Variants in NPNT observed in about 807,000 individuals in gnomAD.
NPNT encodes the protein preosteoblast EGF-like repeat protein with MAM domain.
In NPNT, 45 loss-of-function variants were observed where a neutral mutation model predicts 68.6. The ratio of observed to expected loss-of-function variants is 0.66; its 90% CI spans 0.52 to 0.84. The LOEUF (loss-of-function observed/expected upper bound fraction) is 0.84. Among genes scored for constraint, NPNT ranks in the 40% least tolerant of loss-of-function variants. The pLI is 0.00. For synonymous variants in NPNT, 233 were observed against 253.3 expected (o/e 0.92, Z 0.76); for missense variants, 672 against 714.8 (o/e 0.94, Z 0.68).
rs553757784 is a variant in NPNT at position 105,971,097 on chromosome 4, AT to A, written c.*2120del. ...ATTTGTTCAATGGATGATGTTTCAG[AT>A]TTTTTTTTTTTTAAGAGATCCTTCA... On this transcript the variant is annotated 3_prime_UTR_variant, in exon 12 of 12. Transcript: ENST00000379987. The A allele has an allele frequency of 0.16, 53,191 of 340,352 alleles. 31 individuals carry two copies. Among genetic ancestry groups the A allele is most frequent in the South Asian group, 0.25 (10,678 of 42,366 alleles). The allele number at this position is 340,352 out of a possible 1,614,324, so 21.1% of individuals were successfully genotyped here.
intron 3 of NPNT, among the ~76,000 whole-genome samples, chr4:105,936,263 T>C (rs1471402439): frequency 1.3e-5 from 2 of 152,238 alleles, no homozygotes; most frequent in Non-Finnish European, 2.9e-5. Context: ...AATGAAAATA[T>C]GTTGGTAGGT....
intron 2 of NPNT, among the ~76,000 whole-genome samples, chr4:105,915,736 C>A (rs374390793): frequency 6.6e-6 from 1 of 152,110 alleles, no homozygotes; most frequent in Non-Finnish European, 1.5e-5. Context: ...CAGTTTGAAG[C>A]GCTTGTGAGA....
chr4:105,912,192 C>G (rs959324661), intron 2 of NPNT: 2 of 1,533,176 alleles, frequency 1.3e-6, no homozygotes, highest in Non-Finnish European at 1.7e-6. Flanking sequence ...TTGCAGCTTT[C>G]TACGTCTTAA....
chr4:105,940,675 G>T, intron 7 of NPNT, 39 bp downstream of exon 7: 1 of 1,591,586 alleles, frequency 6.3e-7, no homozygotes, highest in Non-Finnish European at 8.6e-7. Context: ...ATTCTAGCAG[G>T]AAATACAGGA....
chr4:105,913,247 AT>A (rs1326312871), intron 2 of NPNT, among the ~76,000 whole-genome samples: 2 of 152,246 alleles, frequency 1.3e-5, no homozygotes, highest in Admixed American at 6.5e-5. Context: ...AATAAAAAAA[AT>A]ATTTGGGAAC....
Position 105,970,678 on chromosome 4 carries a change from T to C in NPNT, c.*1688T>C. On this transcript the variant is annotated 3_prime_UTR_variant, in exon 12 of 12. Coordinates refer to ENST00000379987, the MANE Select transcript of NPNT (RefSeq NM_001033047.3). ...TGAAAATCTCAGTATCTCTCTCTCT[T>C]TCTAAAAAATTAGATAAAAATTTGT... 1 of 521,136 alleles carries C rather than the reference T, an allele frequency of 1.9e-6. No homozygotes were observed. The highest frequency in any genetic ancestry group is 1.8e-5 in the South Asian group (1 of 54,786). The allele number at this position is 521,136 out of a possible 1,614,324, so 32.3% of individuals were successfully genotyped here.
intron 8 of NPNT, among the ~76,000 whole-genome samples, chr4:105,951,079 T>C (rs1730798431): frequency 1.3e-5 from 2 of 152,190 alleles, no homozygotes. Flanking sequence ...CAGGGCTCTT[T>C]CTAAAGCATA....
intron 1 of NPNT, among the ~76,000 whole-genome samples, chr4:105,896,476 G>C (rs1460189153): frequency 6.6e-6 from 1 of 152,216 alleles, no homozygotes; most frequent in South Asian, 2.1e-4. Flanking sequence ...GAGAGACACT[G>C]GGTCTGTCGG....
chr4:105,932,713 C>T (rs1266316686), intron 3 of NPNT: 1 of 1,528,274 alleles, frequency 6.5e-7, no homozygotes, highest in Admixed American at 2.0e-5. Flanking sequence ...GGTGAGCGTG[C>T]ATTGTCCCAG....
At chr4:105,959,755 A>G (rs950306216) in intron 10 of NPNT, among the ~76,000 whole-genome samples, 2 of 151,862 alleles carry the variant, frequency 1.3e-5, no homozygotes, top group African/African-American at 2.4e-5. Flanking sequence ...TAGTACTCAT[A>G]AGACATCTTT....
chr4:105,918,415 GT>G (rs1727988113), intron 2 of NPNT, among the ~76,000 whole-genome samples: 1 of 151,992 alleles, frequency 6.6e-6, no homozygotes, highest in Non-Finnish European at 1.5e-5. Context: ...AGTATCAGAT[GT>G]TTTAAAAAAT....
At chr4:105,937,160 G>T in intron 4 of NPNT, 32 bp downstream of exon 4, 2 of 1,609,082 alleles carry the variant, frequency 1.2e-6, no homozygotes, top group Non-Finnish European at 1.7e-6. Flanking sequence ...TTTTATAAGT[G>T]CTTTGGGCTT....
intron 8 of NPNT, among the ~76,000 whole-genome samples, chr4:105,943,950 G>A (rs1730181335): frequency 6.6e-6 from 1 of 152,146 alleles, no homozygotes; most frequent in African/African-American, 2.4e-5. Flanking sequence ...ACTGCAGCCT[G>A]GGTGACAGGG....
intron 2 of NPNT, among the ~76,000 whole-genome samples, chr4:105,923,520 T>C (rs958384812): frequency 5.3e-5 from 8 of 152,174 alleles, no homozygotes; most frequent in Non-Finnish European, 8.8e-5. Flanking sequence ...TGTATTTAGC[T>C]ACAAGTAACG....
intron 8 of NPNT, among the ~76,000 whole-genome samples, chr4:105,947,850 T>G (rs1730509194): frequency 6.6e-6 from 1 of 152,120 alleles, no homozygotes; most frequent in African/African-American, 2.4e-5. Flanking sequence ...ACGGGGGGGT[T>G]TCTTTTAACA....
intron 2 of NPNT, among the ~76,000 whole-genome samples, chr4:105,910,629 A>G (rs994362178): frequency 6.6e-6 from 1 of 152,198 alleles, no homozygotes; most frequent in African/African-American, 2.4e-5. Context: ...CCTAGAAGTA[A>G]TCTATTCCAG....
At chr4:105,967,095 GAAAAAAA>G in intron 10 of NPNT, 86 bp from the exon 11 acceptor site, 1 of 1,035,870 alleles carries the variant, frequency 9.7e-7, no homozygotes. Context: ...ACAAAGAAAA[GAAAAAAA>G]AAAAAAAACT....
At chr4:105,917,522 G>A (rs1016618351) in intron 2 of NPNT, among the ~76,000 whole-genome samples, 5 of 152,116 alleles carry the variant, frequency 3.3e-5, no homozygotes, top group Admixed American at 6.6e-5. Context: ...TAGTGAAGGA[G>A]CTAGATAAGA....
At chr4:105,903,649 G>A (rs540482777) in intron 2 of NPNT, among the ~76,000 whole-genome samples, 28 of 152,074 alleles carry the variant, frequency 1.8e-4, no homozygotes, top group Non-Finnish European at 3.2e-4. Flanking sequence ...CTACTTATGG[G>A]TAAATTGCAA....
Sources: gnomAD v4.1 joint callset for allele counts (sites outside exome capture counted in the v4.1 genomes callset) on GRCh38, gnomAD v4.1.1 for gene constraint, MANE v1.5 for transcripts, NCBI Gene and HGNC (gene_info 2026-07-23, HGNC 2026-07-21) for gene names.